Variants in RBFOX1 observed in about 807,000 individuals in gnomAD.
RBFOX1 encodes the protein RNA binding fox-1 homolog 1, also known as RNA binding protein fox-1 homolog 1.
A neutral mutation model predicts 57.7 loss-of-function variants in RBFOX1; 8 were observed. The ratio of observed to expected loss-of-function variants is 0.14; its 90% CI spans 0.08 to 0.25. The LOEUF (loss-of-function observed/expected upper bound fraction) is 0.25, where lower values mean the gene tolerates loss of function less well. RBFOX1 is among the 10% of genes least tolerant of loss of function. RBFOX1 has a pLI of 1.00. For synonymous variants in RBFOX1, 326 were observed against 222.4 expected (o/e 1.47, Z -4.15); for missense variants, 611 against 548.5 (o/e 1.11, Z -1.14).
At chr16:6,492,647 G>A (rs900627699) in intron 2 of RBFOX1, among the ~76,000 whole-genome samples, 1 of 152,158 alleles carries the variant, frequency 6.6e-6, no homozygotes, top group African/African-American at 2.4e-5. Flanking sequence ...GAATCTGTGT[G>A]ATCGCTGAAG....
chr16:5,840,474 C>T lies in RBFOX1; in HGVS notation c.319-26829C>T, dbSNP rs150277851. Among the ~76,000 whole-genome samples the T allele has an allele frequency of 2.2e-3, 335 of 152,276 alleles. 1 individual carries two copies. The highest frequency in any genetic ancestry group is 5.6e-3 in the Admixed American group (85 of 15,298). On this transcript the variant is annotated intron_variant, in intron 3 of 19. Coordinates refer to the RBFOX1 transcript ENST00000641259. ...AGTCATTTTGTGCTGATAGGCCTGG[C>T]GGTGACCTGGCTCTACACCTCTCCT...
At chr16:5,419,141 A>G (rs1215908067) in intron 1 of RBFOX1, among the ~76,000 whole-genome samples, 2 of 152,120 alleles carry the variant, frequency 1.3e-5, no homozygotes, top group Non-Finnish European at 2.9e-5. Context: ...ATTTCTAGGG[A>G]TGGTCTCTGT....
chr16:5,611,749 T>TCCATCCATCCATCCAC (rs1567296768), intron 3 of RBFOX1, among the ~76,000 whole-genome samples: 1 of 130,730 alleles, frequency 7.6e-6, no homozygotes, highest in Non-Finnish European at 1.6e-5. Flanking sequence ...CATCCATCCA[T>TCCATCCATCCATCCAC]TCACCCTTCT....
intron 4 of RBFOX1, among the ~76,000 whole-genome samples, chr16:7,193,498 T>C (rs2085935104): frequency 6.6e-6 from 1 of 152,234 alleles, no homozygotes; most frequent in African/African-American, 2.4e-5. Context: ...AGTATCAAGC[T>C]AATACAGGCA....
chr16:6,382,349 A>G (rs1037258737), intron 2 of RBFOX1, among the ~76,000 whole-genome samples: 3 of 152,224 alleles, frequency 2.0e-5, no homozygotes, highest in African/African-American at 7.2e-5. Flanking sequence ...AAGAAAAGAA[A>G]GAAGGTGTGT....
At chr16:6,524,798 C>A (rs2192640) in intron 2 of RBFOX1, among the ~76,000 whole-genome samples, 1,757 of 152,180 alleles carry the variant, frequency 0.012, 27 homozygotes, top group African/African-American at 0.04. Flanking sequence ...ATTGTCATTG[C>A]CCCACCTTCT....
At chr16:6,169,647 C>T (rs775306101) in intron 1 of RBFOX1, among the ~76,000 whole-genome samples, 18 of 152,170 alleles carry the variant, frequency 1.2e-4, no homozygotes, top group Non-Finnish European at 1.6e-4. Flanking sequence ...GTTACAGCTC[C>T]GCGTTTGCCT....
intron 3 of RBFOX1, among the ~76,000 whole-genome samples, chr16:6,743,174 A>G (rs567355728): frequency 9.8e-5 from 15 of 152,322 alleles, no homozygotes; most frequent in African/African-American, 9.6e-5. Context: ...CACTAAAAAG[A>G]TGAAATGTAG....
chr16:5,374,872 G>T (rs571040520), intron 1 of RBFOX1, among the ~76,000 whole-genome samples: 1 of 152,042 alleles, frequency 6.6e-6, no homozygotes, highest in African/African-American at 2.4e-5. Context: ...CTCTTATCAT[G>T]TAAGTACCTG....
chr16:7,086,426 C>A (rs1037652785), intron 4 of RBFOX1, among the ~76,000 whole-genome samples: 2 of 152,096 alleles, frequency 1.3e-5, no homozygotes, highest in African/African-American at 4.8e-5. Context: ...AATAATTGAA[C>A]ACTGCATCAA....
intron 14 of RBFOX1, among the ~76,000 whole-genome samples, chr16:7,701,819 G>C (rs1201729277): frequency 1.3e-5 from 2 of 152,352 alleles, no homozygotes; most frequent in Admixed American, 6.5e-5. Context: ...CCCTTGTAGA[G>C]TGAAAGTGAA....
At chr16:6,250,979 G>T (rs2097605752) in intron 1 of RBFOX1, among the ~76,000 whole-genome samples, 1 of 151,990 alleles carries the variant, frequency 6.6e-6, no homozygotes, top group Admixed American at 6.6e-5. Flanking sequence ...TGTCCTTATG[G>T]CGTTTGAGAT....
chr16:7,630,230 A>G (rs1005013235), intron 10 of RBFOX1, among the ~76,000 whole-genome samples: 1 of 151,982 alleles, frequency 6.6e-6, no homozygotes, highest in African/African-American at 2.4e-5. Context: ...ACTTGCCAAG[A>G]TCACACAGTG....
At chr16:6,958,034 G>C (rs951799700) in intron 3 of RBFOX1, among the ~76,000 whole-genome samples, 2 of 152,284 alleles carry the variant, frequency 1.3e-5, no homozygotes, top group African/African-American at 4.8e-5. Context: ...ATACCAGGAG[G>C]CATGGTTCAT....
intron 2 of RBFOX1, among the ~76,000 whole-genome samples, chr16:5,476,583 G>A (rs1287470320): frequency 1.3e-5 from 2 of 152,186 alleles, no homozygotes; most frequent in Admixed American, 6.5e-5. Context: ...CCATCTTACC[G>A]GGTCATTGTG....
chr16:6,597,838 G>A (rs1387841062), intron 2 of RBFOX1, among the ~76,000 whole-genome samples: 1 of 152,156 alleles, frequency 6.6e-6, no homozygotes, highest in Non-Finnish European at 1.5e-5. Flanking sequence ...CTTGCCTTTG[G>A]GTGTGGTGTT....
chr16:7,196,367 C>T (rs192270385), intron 4 of RBFOX1, among the ~76,000 whole-genome samples: 2 of 152,248 alleles, frequency 1.3e-5, no homozygotes, highest in East Asian at 3.9e-4. Flanking sequence ...TGCTTCACTC[C>T]CCCTCTCCCC....
At position 5,567,329 on chromosome 16, in the gene RBFOX1, T is replaced by G. The variant is rs930723531; in HGVS notation, c.259-31573T>G. ...GCAGCACTTTGGTCAGGTTAAGTGG[T>G]GAATATTAGTTACTAGCTAACGTGT... On this transcript the variant is annotated intron_variant, in intron 2 of 2. Coordinates refer to the RBFOX1 transcript ENST00000585867. Among the ~76,000 whole-genome samples the G allele has an allele frequency of 5.8e-4, 89 of 152,278 alleles. 1 individual carries two copies. The highest frequency in any genetic ancestry group is 3.4e-3 in the Middle Eastern group (1 of 294).
At chr16:7,680,457 C>T (rs930890495) in intron 14 of RBFOX1, among the ~76,000 whole-genome samples, 1 of 152,126 alleles carries the variant, frequency 6.6e-6, no homozygotes, top group African/African-American at 2.4e-5. Context: ...TGTCCCTCCA[C>T]GTCAGGGCTG....
Sources: gnomAD v4.1 joint callset for allele counts (sites outside exome capture counted in the v4.1 genomes callset) on GRCh38, gnomAD v4.1.1 for gene constraint, MANE v1.5 for transcripts, NCBI Gene and HGNC (gene_info 2026-07-23, HGNC 2026-07-21) for gene names.